Variants in NCOR2 observed in about 807,000 individuals in gnomAD.
NCOR2 encodes the protein nuclear receptor corepressor 2.
A neutral mutation model predicts 262.9 loss-of-function variants in NCOR2; 81 were observed. The ratio of observed to expected loss-of-function variants is 0.31; its 90% CI spans 0.26 to 0.37. NCOR2 has a LOEUF of 0.37. Among genes scored for constraint, NCOR2 ranks in the 10% least tolerant of loss-of-function variants. The pLI is 1.00. For synonymous variants in NCOR2, 1,659 were observed against 1,559.3 expected, an observed-to-expected ratio of 1.06 and a Z score of -1.51; for missense variants, 3,385 against 3,621.4, an observed-to-expected ratio of 0.93 and a Z score of 1.68.
At chr12:124,552,207 G>C (rs2051734394) in intron 1 of NCOR2, among the ~76,000 whole-genome samples, 1 of 152,018 alleles carries the variant, frequency 6.6e-6, no homozygotes, top group Admixed American at 6.6e-5. Flanking sequence ...TGTAGTCCCA[G>C]CTACTCAGGA....
At chr12:124,387,569 C>A (rs1202854312) in intron 16 of NCOR2, among the ~76,000 whole-genome samples, 4 of 152,142 alleles carry the variant, frequency 2.6e-5, no homozygotes, top group African/African-American at 9.7e-5. Flanking sequence ...GGGGGTGGCA[C>A]TGACTGACAG....
At position 124,389,184 on chromosome 12, in the gene NCOR2, G is replaced by A. The variant is rs912014599; in HGVS notation, c.1877-3297C>T. Reference sequence around the variant, plus strand: ...AATGTGCCCAGTGCGGACGCTCAGCGAGCAATGCCGGCCAGAGCCCACAGA... The same window carrying A: ...AATGTGCCCAGTGCGGACGCTCAGCAAGCAATGCCGGCCAGAGCCCACAGA... On this transcript the variant is annotated intron_variant, in intron 16 of 46. Transcript: ENST00000405201. The surrounding 1 kb of genome is among the most constrained non-coding windows in gnomAD (Gnocchi z 4.4). Among the ~76,000 whole-genome samples the A allele has an allele frequency of 1.3e-5, 2 of 152,248 alleles. No individual in the cohort carries two copies. The highest frequency in any genetic ancestry group is 2.9e-5 in the Non-Finnish European group (2 of 68,032).
At chr12:124,511,764 G>C (rs915023715) in intron 1 of NCOR2, among the ~76,000 whole-genome samples, 1 of 152,170 alleles carries the variant, frequency 6.6e-6, no homozygotes, top group African/African-American at 2.4e-5. Flanking sequence ...ACCCAAACTT[G>C]TCCTGCACCC....
chr12:124,326,299 C>G (rs774818684), exon 46 of NCOR2: 1 of 1,564,572 alleles, frequency 6.4e-7, no homozygotes, highest in Non-Finnish European at 8.6e-7. Flanking sequence ...TCCCCAGATG[C>G]CAGGCCCGGG....
At position 124,566,648 on chromosome 12, in the gene NCOR2, G is replaced by A. The variant is rs2052249565; in HGVS notation, c.-165+660C>T. ...TCCCAAGTATCCGCACAGCCCGGGG[G>A]AGGGACTAGGAGGCGGCCCAATGAG... On this transcript the variant is annotated intron_variant, in intron 1 of 32. Transcript: ENST00000458234. The surrounding 1 kb of genome is among the most constrained non-coding windows in gnomAD (Gnocchi z 4.3). Among the ~76,000 whole-genome samples the A allele has an allele frequency of 6.6e-6, 1 of 152,232 alleles. No individual in the cohort carries two copies. Among genetic ancestry groups the A allele is most frequent in the African/African-American group, 2.4e-5 (1 of 41,466 alleles).
intron 13 of NCOR2, among the ~76,000 whole-genome samples, chr12:124,412,670 A>G (rs572679103): frequency 6.6e-6 from 1 of 152,314 alleles, no homozygotes; most frequent in South Asian, 2.1e-4. Context: ...CTCGGGCTTA[A>G]CAACCCCTTC....
intron 44 of NCOR2, among the ~76,000 whole-genome samples, chr12:124,327,877 G>A (rs1010119718): frequency 6.6e-5 from 10 of 151,974 alleles, no homozygotes; most frequent in Non-Finnish European, 1.3e-4. Flanking sequence ...CTGGGGCCCC[G>A]GAAGCTCTTG....
At position 124,555,013 on chromosome 12, in the gene NCOR2, G is replaced by A. The variant is rs1019921942; in HGVS notation, c.-165+12295C>T. On this transcript the variant is annotated intron_variant, in intron 1 of 32. Transcript: ENST00000458234. ...CACTCCTGAGGACCACAGTCCAGGG[G>A]AAAGGGATGAAAGCACACAATGGGC... Among the ~76,000 whole-genome samples, 8 of 74,250 alleles carry A rather than the reference G, an allele frequency of 1.1e-4. No individual in the cohort carries two copies. In the East Asian group the frequency reaches 2.1e-3, roughly 19 times the overall value. The allele number at this position is 74,250 out of a possible 152,430, so 48.7% of individuals were successfully genotyped here.
Position 124,566,709 on chromosome 12 carries a change from G to A in NCOR2, c.-165+599C>T, listed in dbSNP as rs11057675. Among the ~76,000 whole-genome samples, 1 of 152,216 alleles carries A rather than the reference G, an allele frequency of 6.6e-6. No homozygotes were observed. Among genetic ancestry groups the A allele is most frequent in the South Asian group, 2.1e-4 (1 of 4,836 alleles). On this transcript the variant is annotated intron_variant, in intron 1 of 32. Transcript: ENST00000458234. The surrounding 1 kb of genome is among the most constrained non-coding windows in gnomAD (Gnocchi z 4.3). ...CCACGGGAGGCAGGCCCAGACACCA[G>A]GAACACCGGCCCGCGGGGGAGGGGG...
chr12:124,512,500 C>T (rs1343380752), intron 1 of NCOR2, among the ~76,000 whole-genome samples: 2 of 152,250 alleles, frequency 1.3e-5, no homozygotes, highest in Non-Finnish European at 2.9e-5. Context: ...TCTCAAAACA[C>T]ATCTGCAAAG....
chr12:124,372,417 T>C (rs1379927038), exon 20 of NCOR2: 2 of 1,319,636 alleles, frequency 1.5e-6, no homozygotes, highest in African/African-American at 3.2e-5. Flanking sequence ...GCGTAGGGGC[T>C]CCGGTGGCTT....
rs1011699634 is a variant in NCOR2 at position 124,422,562 on chromosome 12, G to T, written c.1329-7C>A. The T allele has an allele frequency of 6.2e-7, 1 of 1,613,886 alleles. No homozygotes were observed. Reference sequence around the variant, plus strand: ...CTTGGGATGCTGCATGAACCTGCGGGACGAGAAGGGTGGGCGTGAGACCTG... The same window carrying T: ...CTTGGGATGCTGCATGAACCTGCGGTACGAGAAGGGTGGGCGTGAGACCTG... On this transcript the variant is annotated splice_polypyrimidine_tract_variant and splice_region_variant and intron_variant, in intron 11 of 46. Coordinates refer to ENST00000405201, the Ensembl canonical transcript of NCOR2.
At chr12:124,563,600 C>G (rs993023855) in intron 1 of NCOR2, among the ~76,000 whole-genome samples, 5 of 152,274 alleles carry the variant, frequency 3.3e-5, no homozygotes, top group African/African-American at 1.2e-4. Context: ...CCACAGAACT[C>G]TGCCGCTGCA....
intron 1 of NCOR2, among the ~76,000 whole-genome samples, chr12:124,534,938 A>C (rs1037238193): frequency 1.3e-5 from 2 of 152,228 alleles, no homozygotes; most frequent in African/African-American, 2.4e-5. Context: ...ACTGCTCTCT[A>C]TGAGCATTAA....
chr12:124,358,338 T>C (rs111307932), intron 22 of NCOR2, among the ~76,000 whole-genome samples: 1 of 148,376 alleles, frequency 6.7e-6, no homozygotes, highest in Non-Finnish European at 1.5e-5. Flanking sequence ...GATGTGTGTG[T>C]GCCTGTACAC....
At chr12:124,547,474 T>A (rs1273589538) in intron 1 of NCOR2, among the ~76,000 whole-genome samples, 1 of 152,228 alleles carries the variant, frequency 6.6e-6, no homozygotes, top group Non-Finnish European at 1.5e-5. Flanking sequence ...AAGGGGGGAC[T>A]ACTCCATTTT....
chr12:124,361,468 G>A (rs1457192066), intron 22 of NCOR2, among the ~76,000 whole-genome samples: 1 of 152,242 alleles, frequency 6.6e-6, no homozygotes, highest in Non-Finnish European at 1.5e-5. Context: ...CAGAGAACAA[G>A]CAATCACGCC....
chr12:124,340,482 G>A lies in NCOR2; in HGVS notation c.5339-39C>T, dbSNP rs199836741. 69 of 1,598,076 alleles carry A rather than the reference G, an allele frequency of 4.3e-5. No homozygotes were observed. In the African/African-American group the frequency reaches 5.1e-4, roughly 12 times the overall value. ...AGGCCAGAGACTCAGCCCCAGGGCCGAAGAAGAGCCTGGCTTTGTCTTCTG... is the reference window on the plus strand; with the variant it reads ...AGGCCAGAGACTCAGCCCCAGGGCCAAAGAAGAGCCTGGCTTTGTCTTCTG... On this transcript the variant is annotated intron_variant, in intron 35 of 46. Coordinates refer to ENST00000405201, the Ensembl canonical transcript of NCOR2.
intron 1 of NCOR2, among the ~76,000 whole-genome samples, chr12:124,559,148 C>T (rs528646635): frequency 6.3e-4 from 96 of 152,288 alleles, no homozygotes; most frequent in African/African-American, 2.2e-3. Flanking sequence ...CTCCAACAGC[C>T]CACCCTTTGA....
Sources: allele counts gnomAD v4.1 joint callset (sites outside exome capture counted in the v4.1 genomes callset), GRCh38; gene constraint gnomAD v4.1.1; non-coding constraint Gnocchi (gnomAD v3.1); transcripts MANE v1.5; gene names NCBI Gene and HGNC (gene_info 2026-07-23, HGNC 2026-07-21).